The following WWP2 variants were observed in gnomAD, a reference collection of about 807,000 sequenced individuals.
WWP2 encodes the protein WW domain containing E3 ubiquitin protein ligase 2, also known as NEDD4-like E3 ubiquitin-protein ligase WWP2.
WWP2 carries 57 observed loss-of-function variants against 121.0 expected under a neutral mutation model. The ratio of observed to expected loss-of-function variants is 0.47; its 90% CI spans 0.38 to 0.59. The LOEUF (loss-of-function observed/expected upper bound fraction) is 0.59, where lower values mean the gene tolerates loss of function less well. WWP2 is among the 20% of genes least tolerant of loss of function. WWP2 has a pLI of 0.00. For synonymous variants in WWP2, 449 were observed against 441.3 expected, an observed-to-expected ratio of 1.02 and a Z score of -0.22; for missense variants, 962 against 1,158.9, an observed-to-expected ratio of 0.83 and a Z score of 2.47.
At chr16:69,920,592 T>C (rs1301177990) in intron 10 of WWP2, among the ~76,000 whole-genome samples, 1 of 152,020 alleles carries the variant, frequency 6.6e-6, no homozygotes, top group Non-Finnish European at 1.5e-5. Context: ...CACATGGTTT[T>C]TGTCTACCTG....
intron 8 of WWP2, among the ~76,000 whole-genome samples, chr16:69,901,019 G>A (rs1470097339): frequency 2.0e-5 from 3 of 152,154 alleles, no homozygotes; most frequent in African/African-American, 7.2e-5. Flanking sequence ...GTCCTTCGGG[G>A]AAGGACTGAG....
chr16:69,892,267 G>C (rs1056755303), intron 8 of WWP2, among the ~76,000 whole-genome samples: 1 of 151,870 alleles, frequency 6.6e-6, no homozygotes, highest in Non-Finnish European at 1.5e-5. Context: ...AGGTATACAC[G>C]TGCCATGGTG....
chr16:69,859,476 G>T (rs2057377649), intron 6 of WWP2, among the ~76,000 whole-genome samples: 1 of 151,980 alleles, frequency 6.6e-6, no homozygotes, highest in Admixed American at 6.6e-5. Flanking sequence ...GATCGCTTGA[G>T]CCCAGGGAGG....
rs1350776907 is a variant in WWP2 at position 69,838,882 on chromosome 16, C to T, written c.341-1244C>T. The T allele has an allele frequency of 1.0e-5, 10 of 985,092 alleles. No individual in the cohort carries two copies. In the Admixed American group the frequency reaches 5.5e-4, roughly 55 times the overall value. The allele number at this position is 985,092 out of a possible 1,614,324, so 61.0% of individuals were successfully genotyped here. ...TAGAGCGCTTAGGAGAGCTTGAAAA[C>T]CCAAAGGGTAACTGGTTTCTATCTT... On this transcript the variant is annotated intron_variant, in intron 4 of 23. Transcript: ENST00000359154.
In WWP2 at chr16:69,909,104, G is replaced by A. The variant is rs148336938; in HGVS notation, c.1004+254G>A. 187 of 1,208,980 alleles carry A rather than the reference G, an allele frequency of 1.5e-4. 1 individual carries two copies. The highest frequency in any genetic ancestry group is 2.3e-4 in the Admixed American group (6 of 25,538). The allele number at this position is 1,208,980 out of a possible 1,614,324, so 74.9% of individuals were successfully genotyped here. ...ATTTAGAGTGTTGATGCATTCCGCCGTACCCTATGCCCAGCCTGTCCCTAA... is the reference window on the plus strand; with the variant it reads ...ATTTAGAGTGTTGATGCATTCCGCCATACCCTATGCCCAGCCTGTCCCTAA... On this transcript the variant is annotated intron_variant, in intron 9 of 23. Coordinates refer to ENST00000359154, the MANE Select transcript of WWP2 (RefSeq NM_001270454.2).
rs914152207 is a variant in WWP2 at position 69,935,588 on chromosome 16, G to A, written c.1843-265G>A. 4.6e-5 allele frequency among the ~76,000 whole-genome samples: 7 copies of A among 152,358 alleles called. No individual in the cohort carries two copies. The highest frequency in any genetic ancestry group is 4.1e-4 in the South Asian group (2 of 4,830). On this transcript the variant is annotated intron_variant, in intron 17 of 23. Coordinates refer to ENST00000359154, the MANE Select transcript of WWP2 (RefSeq NM_001270454.2). The surrounding 1 kb of genome is among the most constrained non-coding windows in gnomAD (Gnocchi z 5.2). ...CAGCGTGCGGGGCAGATGCGGGCCC[G>A]GACGTGGGTTCCCGCACCAGCTGGC... is the stretch of plus-strand genomic sequence containing the variant.
chr16:69,787,565 G>A (rs1229359938), intron 2 of WWP2, among the ~76,000 whole-genome samples: 7 of 152,024 alleles, frequency 4.6e-5, no homozygotes, highest in African/African-American at 1.4e-4. Flanking sequence ...ACTCAGCCTG[G>A]GCAACAGGGT....
At chr16:69,823,248 G>A (rs1427101040) in intron 4 of WWP2, among the ~76,000 whole-genome samples, 2 of 152,096 alleles carry the variant, frequency 1.3e-5, no homozygotes, top group African/African-American at 4.8e-5. Context: ...AAGTACTAAT[G>A]AGATATTTTA....
chr16:69,895,965 A>G (rs2058099046), intron 8 of WWP2, among the ~76,000 whole-genome samples: 1 of 152,182 alleles, frequency 6.6e-6, no homozygotes, highest in African/African-American at 2.4e-5. Flanking sequence ...TGCTTAGGTC[A>G]CATGGAATAG....
At chr16:69,869,822 G>A (rs933563643) in intron 6 of WWP2, among the ~76,000 whole-genome samples, 12 of 152,304 alleles carry the variant, frequency 7.9e-5, no homozygotes, top group Admixed American at 7.2e-4. Flanking sequence ...GAAGGTAGCT[G>A]GTCTGGGTGG....
At chr16:69,869,776 A>G (rs939645614) in intron 6 of WWP2, among the ~76,000 whole-genome samples, 1 of 152,158 alleles carries the variant, frequency 6.6e-6, no homozygotes, top group Admixed American at 6.5e-5. Flanking sequence ...ATTTTGGTTT[A>G]TGTTCATCTT....
intron 9 of WWP2, among the ~76,000 whole-genome samples, chr16:69,912,923 C>A (rs11639891): frequency 0.83 from 1,729 of 2,082 alleles, 782 homozygotes; most frequent in Middle Eastern, 1. Flanking sequence ...CTCTACAAAA[C>A]AAAAAAAAAA....
At chr16:69,933,908 T>G in intron 16 of WWP2, 62 bp from the exon 17 acceptor site, 1 of 1,561,190 alleles carries the variant, frequency 6.4e-7, no homozygotes, top group Admixed American at 1.7e-5. Context: ...GAGACACAGC[T>G]CCTGTGCAGA....
chr16:69,799,164 T>G lies in WWP2; in HGVS notation c.219-10T>G. 6.2e-7 allele frequency: 1 copy of G among 1,608,566 alleles called. No homozygotes were observed. On this transcript the variant is annotated splice_polypyrimidine_tract_variant and intron_variant, in intron 3 of 23. Transcript: ENST00000359154. This position sits in a 1 kb window ranked among gnomAD's most constrained non-coding sequence, Gnocchi z 4.5. ...GCTTGGATGTAATGAATCAGGTATT[T>G]GTTTTTCAGGAATGTCACGGCACAG...
At chr16:69,910,067 T>G (rs2058357063) in intron 9 of WWP2, 2 of 153,742 alleles carry the variant, frequency 1.3e-5, no homozygotes, top group Non-Finnish European at 2.9e-5. Context: ...AAACCTAAAA[T>G]AATTACTTTG....
At chr16:69,903,225 G>A (rs1311308194) in intron 8 of WWP2, among the ~76,000 whole-genome samples, 3 of 152,170 alleles carry the variant, frequency 2.0e-5, no homozygotes, top group Admixed American at 6.5e-5. Flanking sequence ...GTCCTCTGAA[G>A]ACCTGCTGAA....
At chr16:69,872,647 A>G (rs2057662121) in intron 7 of WWP2, among the ~76,000 whole-genome samples, 1 of 152,240 alleles carries the variant, frequency 6.6e-6, no homozygotes, top group Non-Finnish European at 1.5e-5. Context: ...TATTGTTGCT[A>G]AGAGCTGAGT....
intron 6 of WWP2, among the ~76,000 whole-genome samples, chr16:69,869,382 A>G (rs1297275389): frequency 2.6e-5 from 4 of 151,322 alleles, no homozygotes; most frequent in Non-Finnish European, 4.4e-5. Flanking sequence ...GGGGGCAAGA[A>G]AAACTTAATT....
chr16:69,768,236 G>A (rs902179634), intron 1 of WWP2, among the ~76,000 whole-genome samples: 2 of 152,164 alleles, frequency 1.3e-5, no homozygotes, highest in African/African-American at 2.4e-5. Flanking sequence ...TTAGAAGGTT[G>A]CAGTTCCCTG....
Sources: gnomAD v4.1 joint callset for allele counts (sites outside exome capture counted in the v4.1 genomes callset) on GRCh38, gnomAD v4.1.1 for gene constraint, Gnocchi (gnomAD v3.1) non-coding constraint, MANE v1.5 for transcripts, NCBI Gene and HGNC (gene_info 2026-07-23, HGNC 2026-07-21) for gene names.